FBXL7: variants seen among roughly 807,000 people sequenced by gnomAD.
FBXL7 encodes the protein F-box and leucine rich repeat protein 7.
Under a neutral mutation model 38.3 loss-of-function variants are expected in FBXL7, and 12 were observed. The observed-to-expected ratio is 0.31, with a 90% CI of 0.20 to 0.51. FBXL7 has a LOEUF of 0.51. Among genes scored for constraint, FBXL7 ranks in the 20% least tolerant of loss-of-function variants. FBXL7 has a pLI of 0.98. For synonymous variants in FBXL7, 297 were observed against 300.9 expected (o/e 0.99, Z 0.13); for missense variants, 567 against 676.4 (o/e 0.84, Z 1.79).
rs945092923 is a variant in FBXL7, at chr5:15,930,792, G to A, written c.739+2291G>A. Reference sequence around the variant, plus strand: ...ATATGGGAGAAAGTTTCAGATAGATGGTCTTGAAAGACTCAACAGGCCATG... The same window carrying A: ...ATATGGGAGAAAGTTTCAGATAGATAGTCTTGAAAGACTCAACAGGCCATG... On this transcript the variant is annotated intron_variant, in intron 3 of 3. Transcript: ENST00000504595. Among the ~76,000 whole-genome samples, 9 of 152,184 alleles carry A rather than the reference G, an allele frequency of 5.9e-5. 1 individual carries two copies. Among genetic ancestry groups the A allele is most frequent in the African/African-American group, 2.2e-4 (9 of 41,434 alleles).
chr5:15,847,778 A>G (rs574136547), intron 2 of FBXL7, among the ~76,000 whole-genome samples: 17 of 152,192 alleles, frequency 1.1e-4, no homozygotes, highest in Admixed American at 5.2e-4. Context: ...AAAGAGAAAA[A>G]TCCTCCTGCT....
At chr5:15,548,182 A>G (rs1580363804) in intron 1 of FBXL7, among the ~76,000 whole-genome samples, 2 of 152,350 alleles carry the variant, frequency 1.3e-5, no homozygotes, top group East Asian at 1.9e-4. Flanking sequence ...GGAGCAATGG[A>G]GTAATGAGAT....
intron 1 of FBXL7, among the ~76,000 whole-genome samples, chr5:15,556,026 G>A (rs1580368797): frequency 7.6e-6 from 1 of 132,150 alleles, no homozygotes; most frequent in Admixed American, 7.8e-5. Flanking sequence ...TCATCTATCA[G>A]TCTATCATCT....
At chr5:15,850,241 G>A (rs902135613) in intron 2 of FBXL7, among the ~76,000 whole-genome samples, 10 of 152,190 alleles carry the variant, frequency 6.6e-5, no homozygotes, top group East Asian at 5.8e-4. Context: ...AAAACATTCC[G>A]TTATTATGAA....
intron 2 of FBXL7, among the ~76,000 whole-genome samples, chr5:15,688,518 C>T (rs955493984): frequency 1.3e-5 from 2 of 152,202 alleles, no homozygotes; most frequent in Non-Finnish European, 2.9e-5. Flanking sequence ...TCTGGTAACT[C>T]CAACCATTCT....
At chr5:15,646,777 G>T (rs531714742) in intron 2 of FBXL7, among the ~76,000 whole-genome samples, 1 of 152,224 alleles carries the variant, frequency 6.6e-6, no homozygotes, top group Non-Finnish European at 1.5e-5. Flanking sequence ...GACTATATGA[G>T]TCTCGGAGAT....
chr5:15,839,842 A>G (rs1163447592), intron 2 of FBXL7, among the ~76,000 whole-genome samples: 1 of 151,638 alleles, frequency 6.6e-6, no homozygotes, highest in East Asian at 1.9e-4. Flanking sequence ...CAAGCCCCCC[A>G]CTTTTGGAAG....
intron 2 of FBXL7, among the ~76,000 whole-genome samples, chr5:15,690,081 A>G (rs1473354473): frequency 1.3e-5 from 2 of 152,324 alleles, no homozygotes; most frequent in East Asian, 3.9e-4. Flanking sequence ...GTAAACCAAT[A>G]GTTTTCTGCC....
At chr5:15,882,415 G>C (rs1740493892) in intron 2 of FBXL7, among the ~76,000 whole-genome samples, 1 of 152,132 alleles carries the variant, frequency 6.6e-6, no homozygotes. Flanking sequence ...AGGCTTTCTT[G>C]TGGGACCTAG....
chr5:15,710,883 G>A (rs901714576), intron 2 of FBXL7, among the ~76,000 whole-genome samples: 10 of 152,150 alleles, frequency 6.6e-5, no homozygotes, highest in Non-Finnish European at 1.5e-4. Flanking sequence ...TGGTTTGGCT[G>A]TGTCCCCACC....
intron 2 of FBXL7, among the ~76,000 whole-genome samples, chr5:15,755,146 T>C (rs542060782): frequency 3.0e-4 from 46 of 152,342 alleles, no homozygotes; most frequent in Non-Finnish European, 4.3e-4. Context: ...ACTAGACCAT[T>C]GCCTGAAAAC....
intron 2 of FBXL7, among the ~76,000 whole-genome samples, chr5:15,809,240 A>C (rs1443258835): frequency 6.6e-6 from 1 of 152,158 alleles, no homozygotes; most frequent in East Asian, 1.9e-4. Context: ...TTGAACGTTG[A>C]ACTTTGGGAT....
At chr5:15,760,380 C>T (rs1736407331) in intron 2 of FBXL7, among the ~76,000 whole-genome samples, 1 of 148,680 alleles carries the variant, frequency 6.7e-6, no homozygotes, top group Non-Finnish European at 1.5e-5. Flanking sequence ...ACTCATCTAC[C>T]ATATATAACA....
intron 2 of FBXL7, among the ~76,000 whole-genome samples, chr5:15,727,279 A>C (rs1164794680): frequency 6.6e-6 from 1 of 152,156 alleles, no homozygotes; most frequent in Non-Finnish European, 1.5e-5. Context: ...AATTGCCTAT[A>C]TATTTATATT....
At chr5:15,732,496 GT>G (rs2126664830) in intron 2 of FBXL7, among the ~76,000 whole-genome samples, 1 of 152,052 alleles carries the variant, frequency 6.6e-6, no homozygotes, top group East Asian at 1.9e-4. Flanking sequence ...GCTGCATGGA[GT>G]TTTATATTTT....
intron 2 of FBXL7, among the ~76,000 whole-genome samples, chr5:15,731,854 G>T (rs1162750036): frequency 6.6e-6 from 1 of 152,178 alleles, no homozygotes; most frequent in Admixed American, 6.5e-5. Context: ...GCAACTGGCA[G>T]TTGGCTTTTC....
At chr5:15,882,113 G>T (rs762406318) in intron 2 of FBXL7, among the ~76,000 whole-genome samples, 1 of 152,128 alleles carries the variant, frequency 6.6e-6, no homozygotes, top group Non-Finnish European at 1.5e-5. Flanking sequence ...AAGGGGAATG[G>T]TGCTAAACCA....
intron 1 of FBXL7, among the ~76,000 whole-genome samples, chr5:15,510,527 G>A (rs886102501): frequency 2.0e-5 from 3 of 152,120 alleles, no homozygotes; most frequent in African/African-American, 7.2e-5. Flanking sequence ...ACCCCAGGAA[G>A]AAGAAGAAGG....
intron 2 of FBXL7, among the ~76,000 whole-genome samples, chr5:15,865,884 A>G (rs959799908): frequency 2.6e-5 from 4 of 152,230 alleles, no homozygotes; most frequent in Non-Finnish European, 4.4e-5. Context: ...TTCAAAGGTC[A>G]GAGAAAACAA....
Sources: gnomAD v4.1 joint callset for allele counts (sites outside exome capture counted in the v4.1 genomes callset) on GRCh38, gnomAD v4.1.1 for gene constraint, MANE v1.5 for transcripts, NCBI Gene and HGNC (gene_info 2026-07-23, HGNC 2026-07-21) for gene names.